ADGRL2: variants seen among roughly 807,000 people sequenced by gnomAD.
The protein encoded by ADGRL2 is adhesion G protein-coupled receptor L2.
In ADGRL2, 44 loss-of-function variants were observed where a neutral mutation model predicts 157.4. That is an observed-to-expected ratio of 0.28 (90% confidence interval 0.22 to 0.36). ADGRL2 has a LOEUF of 0.36. Ranked by LOEUF, ADGRL2 falls within the 10% of genes least tolerant of loss-of-function variation. ADGRL2 has a pLI of 1.00. For missense variants in ADGRL2, 1,510 were observed against 1,768.9 expected (o/e 0.85, Z 2.63); for synonymous variants, 585 against 624.7 (o/e 0.94, Z 0.95).
intron 2 of ADGRL2, among the ~76,000 whole-genome samples, chr1:81,845,593 A>G (rs902346039): frequency 1.3e-5 from 2 of 151,832 alleles, no homozygotes; most frequent in Non-Finnish European, 2.9e-5. Context: ...TTTTTTGTAG[A>G]TTTATTTATT....
intron 2 of ADGRL2, among the ~76,000 whole-genome samples, chr1:81,537,457 A>AT (rs940015801): frequency 2.2e-4 from 33 of 149,952 alleles, no homozygotes; most frequent in African/African-American, 7.1e-4. Flanking sequence ...CTAATTTTGT[A>AT]TTTTTTTTAG....
intron 2 of ADGRL2, among the ~76,000 whole-genome samples, chr1:81,520,812 A>C (rs2079296689): frequency 1.3e-5 from 2 of 152,132 alleles, no homozygotes; most frequent in South Asian, 4.1e-4. Context: ...TCTCTCATAA[A>C]AAGTCTATGA....
intron 1 of ADGRL2, among the ~76,000 whole-genome samples, chr1:81,339,156 A>G (rs1426722796): frequency 6.6e-6 from 1 of 152,212 alleles, no homozygotes; most frequent in African/African-American, 2.4e-5. Flanking sequence ...ATTAAGAGAT[A>G]AGGCCTTCCC....
In ADGRL2 at chr1:81,946,627, A is replaced by G. The variant is rs528541942; in HGVS notation, c.1210+2858A>G. Among the ~76,000 whole-genome samples the G allele has an allele frequency of 5.9e-5, 9 of 152,246 alleles. No homozygotes were observed. The East Asian group carries it at 1.2e-3, about 20-fold the overall frequency. On this transcript the variant is annotated intron_variant, in intron 6 of 23. Coordinates refer to ENST00000686636, the MANE Select transcript of ADGRL2 (RefSeq NM_001366006.2). ...GTTCCTCAACATTTGGGTTAGACTA[A>G]TTAATGATGTGATACACTTCTGTAA...
intron 1 of ADGRL2, among the ~76,000 whole-genome samples, chr1:81,327,965 A>T (rs1202599977): frequency 6.6e-6 from 1 of 152,140 alleles, no homozygotes; most frequent in East Asian, 1.9e-4. Context: ...CCCCCAGCTG[A>T]CCCTGCACCA....
At chr1:81,402,791 A>G (rs1188592198) in intron 1 of ADGRL2, among the ~76,000 whole-genome samples, 2 of 152,144 alleles carry the variant, frequency 1.3e-5, no homozygotes, top group Non-Finnish European at 2.9e-5. Context: ...CATGCCATGC[A>G]TGTGCACCAG....
chr1:81,620,250 C>T (rs1348303083), intron 3 of ADGRL2, among the ~76,000 whole-genome samples: 1 of 151,666 alleles, frequency 6.6e-6, no homozygotes, highest in Non-Finnish European at 1.5e-5. Context: ...GTACATCTCA[C>T]ATTTTTCAAT....
chr1:81,864,940 C>G (rs934834884), intron 2 of ADGRL2, among the ~76,000 whole-genome samples: 1 of 152,126 alleles, frequency 6.6e-6, no homozygotes, highest in African/African-American at 2.4e-5. Context: ...GAGCCAAGAT[C>G]GCACCACTAC....
chr1:81,554,460 C>T (rs900411374), intron 2 of ADGRL2, among the ~76,000 whole-genome samples: 5 of 152,000 alleles, frequency 3.3e-5, no homozygotes, highest in African/African-American at 1.2e-4. Context: ...TGCTATTTCC[C>T]CTCTTAGCTA....
intron 2 of ADGRL2, among the ~76,000 whole-genome samples, chr1:81,463,466 G>A (rs1473394440): frequency 6.6e-6 from 1 of 152,080 alleles, no homozygotes; most frequent in African/African-American, 2.4e-5. Flanking sequence ...TTAGATGACA[G>A]TTCCCCAAAT....
chr1:81,833,416 A>AT (rs1295513496), intron 1 of ADGRL2, among the ~76,000 whole-genome samples: 1 of 152,192 alleles, frequency 6.6e-6, no homozygotes, highest in African/African-American at 2.4e-5. Flanking sequence ...CTTTAGATAG[A>AT]ACTCCTTATG....
At chr1:81,636,870 C>A (rs1389195067) in intron 3 of ADGRL2, among the ~76,000 whole-genome samples, 3 of 152,210 alleles carry the variant, frequency 2.0e-5, no homozygotes, top group African/African-American at 7.2e-5. Flanking sequence ...GAGTCTCCCT[C>A]TGTCGCCCAG....
chr1:81,722,082 G>T, intron 1 of ADGRL2: 2 of 380,370 alleles, frequency 5.3e-6, no homozygotes, highest in Non-Finnish European at 1.0e-5. Context: ...CACGAGGTCA[G>T]GAGATCGAGA....
chr1:81,915,238 G>T (rs2094828394), intron 3 of ADGRL2, among the ~76,000 whole-genome samples: 1 of 152,042 alleles, frequency 6.6e-6, no homozygotes, highest in African/African-American at 2.4e-5. Flanking sequence ...ACCACACCCA[G>T]CTAATTTTTG....
chr1:81,377,242 T>A (rs2076265942), intron 1 of ADGRL2, among the ~76,000 whole-genome samples: 1 of 151,900 alleles, frequency 6.6e-6, no homozygotes, highest in Non-Finnish European at 1.5e-5. Flanking sequence ...TAAAAAAACA[T>A]CAATCATCAG....
chr1:81,704,962 T>C (rs576789531), intron 1 of ADGRL2, among the ~76,000 whole-genome samples: 1 of 152,308 alleles, frequency 6.6e-6, no homozygotes, highest in Admixed American at 6.5e-5. Flanking sequence ...AGAAAAATAC[T>C]GGCAAAGCAA....
At chr1:81,929,389 C>CTTT (rs2095178245) in intron 3 of ADGRL2, among the ~76,000 whole-genome samples, 1 of 152,056 alleles carries the variant, frequency 6.6e-6, no homozygotes, top group Admixed American at 6.6e-5. Flanking sequence ...TGCACCAAAG[C>CTTT]TTTATTGTAG....
At chr1:81,411,321 A>G (rs1206348514) in intron 1 of ADGRL2, among the ~76,000 whole-genome samples, 1 of 152,254 alleles carries the variant, frequency 6.6e-6, no homozygotes. Context: ...ATTAGCCATT[A>G]TAACAATTTA....
intron 3 of ADGRL2, among the ~76,000 whole-genome samples, chr1:81,929,898 C>A (rs1382033099): frequency 6.6e-6 from 1 of 152,052 alleles, no homozygotes; most frequent in Admixed American, 6.6e-5. Flanking sequence ...CCTGCACTAT[C>A]CCATTTAACC....
Sources: gnomAD v4.1 joint callset for allele counts (sites outside exome capture counted in the v4.1 genomes callset) on GRCh38, gnomAD v4.1.1 for gene constraint, MANE v1.5 for transcripts, NCBI Gene and HGNC (gene_info 2026-07-23, HGNC 2026-07-21) for gene names.